The following SCEL variants were observed in gnomAD, a reference collection of about 807,000 sequenced individuals.
SCEL encodes the protein sciellin.
In SCEL, 113 loss-of-function variants were observed where a neutral mutation model predicts 117.6. That is an observed-to-expected ratio of 0.96 (90% CI 0.83 to 1.12). The LOEUF is 1.12. Ranked by LOEUF, SCEL falls within the 50% of genes most tolerant of loss-of-function variation. The probability of loss-of-function intolerance (pLI) is 0.00; values close to 1 mark genes in which losing one functional copy is unlikely to be tolerated. For missense variants in SCEL, 785 were observed against 810.8 expected (o/e 0.97, Z 0.39); for synonymous variants, 270 against 256.2 (o/e 1.05, Z -0.51).
At chr13:77,594,845 G>T (rs73229089) in intron 12 of SCEL, among the ~76,000 whole-genome samples, 20,243 of 152,162 alleles carry the variant, frequency 0.13, 1,425 homozygotes, top group Non-Finnish European at 0.15. Flanking sequence ...TCTGTCAAAA[G>T]AATTGAAGAG....
intron 18 of SCEL, 65 bp downstream of exon 18, chr13:77,603,200 T>C: frequency 9.2e-7 from 1 of 1,086,560 alleles, no homozygotes; most frequent in Non-Finnish European, 1.3e-6. Flanking sequence ...TAAAATAATT[T>C]GGCTTTTTAG....
At chr13:77,537,596 T>C (rs1355999832) in intron 1 of SCEL, among the ~76,000 whole-genome samples, 2 of 152,182 alleles carry the variant, frequency 1.3e-5, no homozygotes, top group Non-Finnish European at 2.9e-5. Context: ...CAGGAGCCAG[T>C]AGCCCCTCAG....
intron 23 of SCEL, 46 bp from the exon 24 acceptor site, chr13:77,613,841 AAAAAAG>A: frequency 2.7e-6 from 4 of 1,466,608 alleles, no homozygotes; most frequent in South Asian, 1.1e-5. Flanking sequence ...CTGTCAAAAC[AAAAAAG>A]AAATGCCAGT....
At chr13:77,546,720 C>G (rs116845514) in intron 1 of SCEL, among the ~76,000 whole-genome samples, 1 of 151,140 alleles carries the variant, frequency 6.6e-6, no homozygotes, top group African/African-American at 2.4e-5. Context: ...CTTAAACAAA[C>G]GAGGCGGTTT....
chr13:77,562,499 G>GC (rs1412431820), intron 4 of SCEL, among the ~76,000 whole-genome samples: 1 of 151,996 alleles, frequency 6.6e-6, no homozygotes, highest in Non-Finnish European at 1.5e-5. Context: ...CCCCTCCAAG[G>GC]CCCAGCTCAA....
intron 9 of SCEL, among the ~76,000 whole-genome samples, chr13:77,583,491 A>G (rs2086380503): frequency 1.3e-5 from 2 of 152,342 alleles, no homozygotes; most frequent in African/African-American, 4.8e-5. Flanking sequence ...TTGACTGCCC[A>G]GTTACGGCTC....
chr13:77,638,085 T>C (rs1225543553), intron 30 of SCEL, among the ~76,000 whole-genome samples: 7 of 152,216 alleles, frequency 4.6e-5, no homozygotes, highest in African/African-American at 1.7e-4. Context: ...TATGACTCAC[T>C]CAAGGTAGAG....
intron 4 of SCEL, among the ~76,000 whole-genome samples, chr13:77,560,320 C>T (rs542993253): frequency 6.6e-6 from 1 of 151,774 alleles, no homozygotes; most frequent in East Asian, 1.9e-4. Flanking sequence ...CACCTGTCGT[C>T]CCAGCTACTC....
At chr13:77,576,602 G>T (rs2085955869) in intron 9 of SCEL, among the ~76,000 whole-genome samples, 1 of 152,104 alleles carries the variant, frequency 6.6e-6, no homozygotes, top group Admixed American at 6.5e-5. Flanking sequence ...TTGTCTCAAA[G>T]ACACCAGAAA....
chr13:77,585,437 C>T (rs548052465), intron 9 of SCEL, among the ~76,000 whole-genome samples: 12 of 152,212 alleles, frequency 7.9e-5, no homozygotes, highest in African/African-American at 2.9e-4. Context: ...AAGAGTTTGT[C>T]ACATCTGCAG....
intron 27 of SCEL, among the ~76,000 whole-genome samples, chr13:77,626,805 G>A (rs1410737963): frequency 6.6e-6 from 1 of 152,092 alleles, no homozygotes; most frequent in South Asian, 2.1e-4. Flanking sequence ...CTATAGCAGT[G>A]TGGAAACAGA....
intron 24 of SCEL, 39 bp downstream of exon 24, chr13:77,613,994 A>G: frequency 1.4e-6 from 2 of 1,457,680 alleles, no homozygotes. Flanking sequence ...TTTCTCGTTA[A>G]GTAAACCCAA....
chr13:77,563,948 C>A, intron 5 of SCEL, 49 bp downstream of exon 5: 1 of 1,225,354 alleles, frequency 8.2e-7, no homozygotes, highest in Non-Finnish European at 1.1e-6. Context: ...ATATTAAATA[C>A]ATTTTCTAAT....
chr13:77,625,994 C>A (rs1215539937), intron 27 of SCEL, among the ~76,000 whole-genome samples: 1 of 152,138 alleles, frequency 6.6e-6, no homozygotes, highest in Non-Finnish European at 1.5e-5. Context: ...TTATTCAATT[C>A]ACCCACAACT....
intron 28 of SCEL, among the ~76,000 whole-genome samples, chr13:77,630,501 A>G (rs1288530551): frequency 6.6e-6 from 1 of 152,246 alleles, no homozygotes; most frequent in African/African-American, 2.4e-5. Flanking sequence ...GAACATTCAT[A>G]TATGAGTTTT....
intron 9 of SCEL, among the ~76,000 whole-genome samples, chr13:77,572,915 A>C (rs529433255): frequency 6.6e-6 from 1 of 152,332 alleles, no homozygotes; most frequent in South Asian, 2.1e-4. Context: ...AGAGTCAGGC[A>C]TCAGACAGGG....
chr13:77,605,448 G>A (rs2088087661), intron 19 of SCEL, among the ~76,000 whole-genome samples: 1 of 152,174 alleles, frequency 6.6e-6, no homozygotes, highest in Non-Finnish European at 1.5e-5. Context: ...GAGGTAACCT[G>A]AGGTAGTCAG....
At chr13:77,632,165 G>C (rs1003334128) in intron 28 of SCEL, among the ~76,000 whole-genome samples, 1 of 152,166 alleles carries the variant, frequency 6.6e-6, no homozygotes, top group Admixed American at 6.5e-5. Context: ...GAAGGTTATG[G>C]CTTAAACATG....
At chr13:77,608,856 A>G (rs1288216346) in intron 20 of SCEL, among the ~76,000 whole-genome samples, 1 of 152,064 alleles carries the variant, frequency 6.6e-6, no homozygotes, top group Non-Finnish European at 1.5e-5. Context: ...TTGGGGGTAA[A>G]TGAGAAACTA....
Sources: allele counts gnomAD v4.1 joint callset (sites outside exome capture counted in the v4.1 genomes callset), GRCh38; gene constraint gnomAD v4.1.1; transcripts MANE v1.5; gene names NCBI Gene and HGNC (gene_info 2026-07-23, HGNC 2026-07-21).